BCO1: variants seen among roughly 807,000 people sequenced by gnomAD.
The protein encoded by BCO1 is beta,beta-carotene 15,15'-dioxygenase.
BCO1 carries 54 observed loss-of-function variants against 56.3 expected under a neutral mutation model. The observed-to-expected ratio is 0.96, with a 90% CI of 0.77 to 1.20. The LOEUF is 1.20. Ranked by LOEUF, BCO1 falls within the 50% of genes most tolerant of loss-of-function variation. The pLI, the probability that BCO1 is intolerant of heterozygous loss-of-function variation, is 0.00. For missense variants in BCO1, 801 were observed against 690.9 expected (o/e 1.16, Z -1.79); for synonymous variants, 318 against 266.1 (o/e 1.20, Z -1.90).
Position 81,239,270 on chromosome 16 carries a change from G to A in BCO1, c.64+298G>A, listed in dbSNP as rs184431467. On this transcript the variant is annotated intron_variant, in intron 1 of 10. Transcript: ENST00000258168. ...AGCCTCAAGTGATCCACCCACCTCG[G>A]CCTCCGAAAGTGCTAGGATTACAGG... 1.4e-3 allele frequency among the ~76,000 whole-genome samples: 213 copies of A among 152,126 alleles called. 2 individuals are homozygous for A. The highest frequency in any genetic ancestry group is 5.0e-3 in the African/African-American group (206 of 41,516).
At chr16:81,285,803 C>G (rs754411324) in intron 9 of BCO1, among the ~76,000 whole-genome samples, 169 bp downstream of exon 9, 3 of 151,968 alleles carry the variant, frequency 2.0e-5, no homozygotes, top group Non-Finnish European at 4.4e-5. Context: ...GGGAGTGGTA[C>G]CTAATGGGCT....
rs950483065 is a variant in BCO1, at chr16:81,290,650, G to A, written c.*73G>A. ...CATGGATATGTTTCTTTGGATGGAGGGGAGGGCCTTTGTTACCTTTTGCAC... is the reference window on the plus strand; with the variant it reads ...CATGGATATGTTTCTTTGGATGGAGAGGAGGGCCTTTGTTACCTTTTGCAC... On this transcript the variant is annotated 3_prime_UTR_variant, in exon 11 of 11. Transcript: ENST00000258168. 17 of 1,274,804 alleles carry A rather than the reference G, an allele frequency of 1.3e-5. 1 individual carries two copies. In the South Asian group the frequency reaches 1.5e-4, roughly 11 times the overall value. 79.0% of individuals were successfully genotyped at this position (1,274,804 alleles called of 1,614,324 possible).
rs758117162 is a variant in BCO1 at position 81,238,970 on chromosome 16, C to G, written c.62C>G (p.Thr21Arg). ...CTGGAGCCTGTGAGGGCCAAAGTGA[C>G]AGGTGAGCATTCTGATAAACACTGG... ...EQLEPVRAKV[T>R]GKIPAWLQGT... The change falls in exon 1 of 11, where the codon ACA (threonine) becomes AGA (arginine). Residue 21 changes from threonine (T) to arginine (R), a missense_variant and splice_region_variant. Physicochemically the swap from Thr to Arg is moderately conservative, Grantham distance 71. Coordinates refer to ENST00000258168, the MANE Select transcript of BCO1 (RefSeq NM_017429.3). 1.7e-5 allele frequency: 27 copies of G among 1,613,126 alleles called. No homozygotes were observed. The highest frequency in any genetic ancestry group is 2.1e-5 in the Non-Finnish European group (25 of 1,179,370).
At position 81,274,258 on chromosome 16, in the gene BCO1, C is replaced by CTTTT. The variant is rs755672295; in HGVS notation, c.1101+3862_1101+3865dup. Among the ~76,000 whole-genome samples the CTTTT allele has an allele frequency of 2.7e-3, 218 of 80,572 alleles. 4 individuals are homozygous for CTTTT. Among genetic ancestry groups the CTTTT allele is most frequent in the African/African-American group, 9.3e-3 (195 of 20,908 alleles). 52.9% of individuals were successfully genotyped at this position (80,572 alleles called of 152,430 possible). A position where few individuals can be genotyped will look rare whatever the true frequency, so the allele number is the denominator to read the frequency against. On this transcript the variant is annotated intron_variant, in intron 7 of 10. Coordinates refer to ENST00000258168, the MANE Select transcript of BCO1 (RefSeq NM_017429.3). ...AAGCTAAGAATGTTAGCTTGTGTATCTTTTTTTTTTTTTTTTTTTTTTTGA... is the reference window on the plus strand; with the variant it reads ...AAGCTAAGAATGTTAGCTTGTGTATCTTTTTTTTTTTTTTTTTTTTTTTTTTTGA...
intron 2 of BCO1, among the ~76,000 whole-genome samples, chr16:81,248,723 C>A (rs939551868): frequency 1.3e-5 from 2 of 151,994 alleles, no homozygotes; most frequent in East Asian, 1.9e-4. Flanking sequence ...GTAAATGCAC[C>A]AGTGGTGGCC....
At chr16:81,255,818 TTTTA>T (rs909929369) in intron 2 of BCO1, among the ~76,000 whole-genome samples, 2 of 151,104 alleles carry the variant, frequency 1.3e-5, no homozygotes, top group Admixed American at 6.6e-5. Context: ...CTTTCTTTCT[TTTTA>T]TTTATTTATT....
At chr16:81,271,565 C>T (rs1322810158) in intron 7 of BCO1, among the ~76,000 whole-genome samples, 2 of 152,224 alleles carry the variant, frequency 1.3e-5, no homozygotes, top group Non-Finnish European at 2.9e-5. Context: ...CTCCCTGCCC[C>T]AGGCAACCTG....
At chr16:81,242,624 G>A (rs1033249492) in intron 1 of BCO1, among the ~76,000 whole-genome samples, 7 of 152,000 alleles carry the variant, frequency 4.6e-5, no homozygotes, top group Middle Eastern at 3.2e-3. Flanking sequence ...TGGAATCCCC[G>A]GGTCCTCTCT....
intron 2 of BCO1, among the ~76,000 whole-genome samples, chr16:81,254,268 A>C (rs545211953): frequency 1.5e-5 from 2 of 136,714 alleles, no homozygotes; most frequent in East Asian, 4.6e-4. Flanking sequence ...AGCTGGGACT[A>C]TGGGTGCGTG....
intron 7 of BCO1, among the ~76,000 whole-genome samples, chr16:81,272,847 A>C (rs1013367272): frequency 6.6e-6 from 1 of 152,208 alleles, no homozygotes; most frequent in Admixed American, 6.5e-5. Context: ...GTCCCTGTAG[A>C]AGCCTCATTT....
intron 7 of BCO1, among the ~76,000 whole-genome samples, chr16:81,273,802 G>A (rs1276393017): frequency 6.6e-6 from 1 of 152,164 alleles, no homozygotes; most frequent in East Asian, 1.9e-4. Flanking sequence ...CAGCCAGAGG[G>A]CTGTGGCTTA....
chr16:81,281,186 C>G (rs1307032586), intron 8 of BCO1, among the ~76,000 whole-genome samples: 1 of 152,200 alleles, frequency 6.6e-6, no homozygotes, highest in East Asian at 1.9e-4. Context: ...TGGCTCCCAC[C>G]TGTAGTCTCA....
intron 7 of BCO1, among the ~76,000 whole-genome samples, chr16:81,278,652 G>T (rs1460550932): frequency 6.6e-6 from 1 of 152,176 alleles, no homozygotes; most frequent in Admixed American, 6.6e-5. Context: ...TTCCAATGGA[G>T]TTGTTAGGGA....
intron 2 of BCO1, among the ~76,000 whole-genome samples, chr16:81,252,816 G>A (rs75489157): frequency 6.6e-6 from 1 of 152,262 alleles, no homozygotes; most frequent in Non-Finnish European, 1.5e-5. Flanking sequence ...CTTTGTTTAC[G>A]AAGTGCATGC....
At position 81,290,707 on chromosome 16, in the gene BCO1, A is replaced by G; in HGVS notation, c.*130A>G. ...TTTCTGTGGGTGCTTTGACAAGGGCATGGCAAGAGAGCTTGTCAGTATCAT... is the reference window on the plus strand; with the variant it reads ...TTTCTGTGGGTGCTTTGACAAGGGCGTGGCAAGAGAGCTTGTCAGTATCAT... On this transcript the variant is annotated 3_prime_UTR_variant, in exon 11 of 11. Transcript: ENST00000258168. 1 of 694,154 alleles carries G rather than the reference A, an allele frequency of 1.4e-6. No homozygotes were observed. Among genetic ancestry groups the G allele is most frequent in the South Asian group, 1.9e-5 (1 of 53,672 alleles). 43.0% of individuals were successfully genotyped at this position (694,154 alleles called of 1,614,324 possible). A position where few individuals can be genotyped will look rare whatever the true frequency, so the allele number is the denominator to read the frequency against.
At chr16:81,245,672 C>T in intron 2 of BCO1, 69 bp downstream of exon 2, 3 of 1,595,978 alleles carry the variant, frequency 1.9e-6, no homozygotes, top group South Asian at 2.2e-5. Context: ...CTTAAAACAG[C>T]ACAAATTTAT....
chr16:81,285,411 T>C lies in BCO1; in HGVS notation c.1208-129T>C. On this transcript the variant is annotated intron_variant, in intron 8 of 10. Coordinates refer to ENST00000258168, the MANE Select transcript of BCO1 (RefSeq NM_017429.3). ...TGACCACCTTTGATCCAATGCAGGCTCTAAATCAAGCTCAAGGATCTTGGT... is the reference window on the plus strand; with the variant it reads ...TGACCACCTTTGATCCAATGCAGGCCCTAAATCAAGCTCAAGGATCTTGGT... 4.0e-6 allele frequency: 3 copies of C among 742,992 alleles called. No homozygotes were observed. The East Asian group carries it at 7.9e-5, about 20-fold the overall frequency. 46.0% of individuals were successfully genotyped at this position (742,992 alleles called of 1,614,324 possible).
chr16:81,260,298 A>G (rs1906403545), intron 3 of BCO1, among the ~76,000 whole-genome samples: 1 of 148,866 alleles, frequency 6.7e-6, no homozygotes, highest in Non-Finnish European at 1.5e-5. Context: ...TTTCCAAGAT[A>G]GACTAAGTGG....
intron 8 of BCO1, among the ~76,000 whole-genome samples, 154 bp downstream of exon 8, chr16:81,281,116 T>A (rs901221698): frequency 6.6e-6 from 1 of 152,074 alleles, no homozygotes; most frequent in African/African-American, 2.4e-5. Flanking sequence ...TCTGGGGACA[T>A]TTCTCTTTTC....
Sources: gnomAD v4.1 joint callset for allele counts (sites outside exome capture counted in the v4.1 genomes callset) on GRCh38, gnomAD v4.1.1 for gene constraint, MANE v1.5 for transcripts, NCBI Gene and HGNC (gene_info 2026-07-23, HGNC 2026-07-21) for gene names.